MTOR: variants seen among roughly 807,000 people sequenced by gnomAD.
MTOR encodes mechanistic target of rapamycin kinase.
MTOR carries 70 observed loss-of-function variants against 319.8 expected under a neutral mutation model. The observed-to-expected ratio is 0.22, with a 90% CI of 0.18 to 0.27. The LOEUF (loss-of-function observed/expected upper bound fraction) is 0.27, where lower values mean the gene tolerates loss of function less well. Among genes scored for constraint, MTOR ranks in the 10% least tolerant of loss-of-function variants. MTOR has a pLI of 1.00. For missense variants in MTOR, 1,890 were observed against 3,274.4 expected (o/e 0.58, Z 10.32); for synonymous variants, 1,183 against 1,211.4 (o/e 0.98, Z 0.49).
Position 11,216,243 on chromosome 1 carries a change from G to A in MTOR, c.3031-9C>T. On this transcript the variant is annotated splice_polypyrimidine_tract_variant and intron_variant, in intron 19 of 57. Coordinates refer to ENST00000361445, the MANE Select transcript of MTOR (RefSeq NM_004958.4). ...AGCTGCTGGAACAAAAACTGAAATG[G>A]ACAAGAGGTCAACCAGCTGGTATCA... The A allele has an allele frequency of 6.2e-7, 1 of 1,611,654 alleles. No homozygotes were observed. Among genetic ancestry groups the A allele is most frequent in the Non-Finnish European group, 8.5e-7 (1 of 1,177,810 alleles).
chr1:11,172,305 C>T (rs1309135945), intron 28 of MTOR, among the ~76,000 whole-genome samples: 2 of 151,948 alleles, frequency 1.3e-5, no homozygotes, highest in Non-Finnish European at 2.9e-5. Flanking sequence ...CGCCTGTAAT[C>T]CCAGCACTTT....
chr1:11,240,284 A>G lies in MTOR; in HGVS notation c.1786+19T>C, dbSNP rs369878626. 2 of 1,536,006 alleles carry G rather than the reference A, an allele frequency of 1.3e-6. No individual in the cohort carries two copies. Among genetic ancestry groups the G allele is most frequent in the Non-Finnish European group, 1.8e-6 (2 of 1,142,716 alleles). ...CAGCATCTCTCACTATCTTGGCAAG[A>G]GCCGTTGTAATTTCTTACCTTCAAA... On this transcript the variant is annotated intron_variant, in intron 11 of 57. Coordinates refer to ENST00000361445, the MANE Select transcript of MTOR (RefSeq NM_004958.4).
At chr1:11,240,173 A>T (rs1033507922) in intron 11 of MTOR, 130 bp downstream of exon 11, 1 of 1,257,440 alleles carries the variant, frequency 8.0e-7, no homozygotes, top group African/African-American at 1.5e-5. Flanking sequence ...AGGAAGGATG[A>T]GCTGCTACAG....
intron 6 of MTOR, among the ~76,000 whole-genome samples, chr1:11,250,248 C>T (rs867675009): frequency 4.8e-4 from 65 of 136,580 alleles, no homozygotes; most frequent in East Asian, 1.1e-3. Context: ...CCCTCCCGGA[C>T]GGGGCGGCTG....
At position 11,210,852 on chromosome 1, in the gene MTOR, G is replaced by A. The variant is rs574051235; in HGVS notation, c.3616C>T (p.His1206Tyr). Residue 1206 changes from histidine (H) to tyrosine (Y), a missense_variant, in exon 24 of 58, where the codon CAT becomes TAT. His to Tyr is a moderately conservative substitution (Grantham distance 83, BLOSUM62 2). Around this residue, in one of 15 missense-constraint regions of MTOR, gnomAD observed 115 missense variants for 105.7 expected, o/e 1.09. Coordinates refer to ENST00000361445, the MANE Select transcript of MTOR (RefSeq NM_004958.4). ...NKVLVRHRIN[H>Y]QRYDVLICRI... ...CAGATGAGCACATCATAGCGCTGAT[G>A]ATTGATTCGGTGTCGCACCAGAACT... The A allele has an allele frequency of 2.5e-6, 4 of 1,613,916 alleles. No individual in the cohort carries two copies. The highest frequency in any genetic ancestry group is 2.7e-5 in the African/African-American group (2 of 75,046).
rs1042793448 is a variant in MTOR at position 11,133,965 on chromosome 1, T to C, written c.5246+386A>G. On this transcript the variant is annotated intron_variant, in intron 37 of 57. Coordinates refer to ENST00000361445, the MANE Select transcript of MTOR (RefSeq NM_004958.4). The surrounding 1 kb of genome is among the most constrained non-coding windows in gnomAD (Gnocchi z 4.0). ...AAAAACTAGCCAGTGTGGTGGCACG[T>C]GCCTATAGCTACTTGGGAAACTGAG... Among the ~76,000 whole-genome samples, 3 of 151,876 alleles carry C rather than the reference T, an allele frequency of 2.0e-5. No homozygotes were observed. The East Asian group carries it at 5.8e-4, about 29-fold the overall frequency.
intron 28 of MTOR, chr1:11,192,360 C>G: frequency 6.2e-7 from 1 of 1,612,808 alleles, no homozygotes. Context: ...CTGGGCAGCC[C>G]TGAACTGGAG....
intron 28 of MTOR, among the ~76,000 whole-genome samples, chr1:11,191,401 T>C (rs1210947478): frequency 6.6e-6 from 1 of 152,114 alleles, no homozygotes; most frequent in South Asian, 2.1e-4. Context: ...CAAGAGAACC[T>C]ATGTGCCTCA....
At chr1:11,113,818 G>C (rs969668543) in intron 53 of MTOR, among the ~76,000 whole-genome samples, 66 of 152,190 alleles carry the variant, frequency 4.3e-4, no homozygotes, top group African/African-American at 1.4e-3. Flanking sequence ...ATCTCATCTT[G>C]AACTGCAATT....
Position 11,210,869 on chromosome 1 carries a change from A to G in MTOR, c.3599T>C (p.Val1200Ala), listed in dbSNP as rs1356106346. 2.7e-5 allele frequency: 44 copies of G among 1,613,966 alleles called. No individual in the cohort carries two copies. Among genetic ancestry groups the G allele is most frequent in the Non-Finnish European group, 3.7e-5 (44 of 1,179,940 alleles). ...IFIPMVNKVL[V>A]RHRINHQRYD... The stretch of plus-strand genomic sequence containing the variant: ...GCGCTGATGATTGATTCGGTGTCGC[A>G]CCAGAACTTTATTCACCATTGGAAT... Residue 1200 changes from valine (V) to alanine (A), a missense_variant, in exon 24 of 58, where the codon GTG becomes GCG. Around this residue, in one of 15 missense-constraint regions of MTOR, gnomAD observed 115 missense variants for 105.7 expected, o/e 1.09. Coordinates refer to ENST00000361445, the MANE Select transcript of MTOR (RefSeq NM_004958.4).
chr1:11,161,979 C>A (rs1321776127), intron 29 of MTOR, among the ~76,000 whole-genome samples: 2 of 152,142 alleles, frequency 1.3e-5, no homozygotes, highest in African/African-American at 4.8e-5. Context: ...GATGATCAAA[C>A]TTTTCCAAGC....
intron 18 of MTOR, 46 bp from the exon 19 acceptor site, chr1:11,228,964 G>A (rs757351686): frequency 2.2e-5 from 35 of 1,602,724 alleles, no homozygotes; most frequent in African/African-American, 4.0e-5. Context: ...ATGGCATGAC[G>A]TGACTTCAGG....
At chr1:11,244,634 AAAAC>A (rs1252469158) in intron 8 of MTOR, among the ~76,000 whole-genome samples, 4 of 152,248 alleles carry the variant, frequency 2.6e-5, no homozygotes, top group South Asian at 2.1e-4. Flanking sequence ...CTGTCTCAGA[AAAAC>A]AAACAAACAA....
intron 9 of MTOR, among the ~76,000 whole-genome samples, chr1:11,242,230 G>A (rs1346506492): frequency 6.6e-6 from 1 of 152,048 alleles, no homozygotes; most frequent in African/African-American, 2.4e-5. Flanking sequence ...TGGGCGTGCT[G>A]GCACACGCCT....
At chr1:11,223,516 G>T (rs1646735319) in intron 19 of MTOR, among the ~76,000 whole-genome samples, 1 of 152,116 alleles carries the variant, frequency 6.6e-6, no homozygotes, top group African/African-American at 2.4e-5. Flanking sequence ...TTGACAAAAT[G>T]CTAGTAATTA....
chr1:11,129,640 G>T lies in MTOR; in HGVS notation c.5714+98C>A. ...CACATACATCGATCTTGGGTGTCCT[G>T]ATCAGGGTCAGGAAGGGAAAGAGGA... On this transcript the variant is annotated intron_variant, in intron 40 of 57. Transcript: ENST00000361445. This position sits in a 1 kb window ranked among gnomAD's most constrained non-coding sequence, Gnocchi z 4.7. The T allele has an allele frequency of 9.3e-7, 1 of 1,075,582 alleles. No individual in the cohort carries two copies. The highest frequency in any genetic ancestry group is 1.4e-6 in the Non-Finnish European group (1 of 718,298). 66.6% of individuals were successfully genotyped at this position (1,075,582 alleles called of 1,614,324 possible).
intron 36 of MTOR, among the ~76,000 whole-genome samples, chr1:11,136,475 C>T (rs1557762836): frequency 6.6e-6 from 1 of 151,992 alleles, no homozygotes; most frequent in Non-Finnish European, 1.5e-5. Context: ...ATAAATGTTC[C>T]TTTAATTTTA....
Position 11,249,816 on chromosome 1 carries a change from C to T in MTOR, c.841-1722G>A, listed in dbSNP as rs1281313456. Among the ~76,000 whole-genome samples, 14 of 149,006 alleles carry T rather than the reference C, an allele frequency of 9.4e-5. No individual in the cohort carries two copies. In the East Asian group the frequency reaches 1.6e-3, roughly 17 times the overall value. Reference sequence around the variant, plus strand: ...AAAATGAAAAGTCTCCCATGTCTACCTCTTTCTACACAGACACGGCAACCA... The same window carrying T: ...AAAATGAAAAGTCTCCCATGTCTACTTCTTTCTACACAGACACGGCAACCA... On this transcript the variant is annotated intron_variant, in intron 6 of 57. Transcript: ENST00000361445.
At chr1:11,141,852 T>G (rs1290665010) in intron 34 of MTOR, among the ~76,000 whole-genome samples, 1 of 149,622 alleles carries the variant, frequency 6.7e-6, no homozygotes, top group African/African-American at 2.4e-5. Context: ...AAAAAAAAAA[T>G]TAGCCAGGCG....
Sources: gnomAD v4.1 joint callset for allele counts (sites outside exome capture counted in the v4.1 genomes callset) on GRCh38, gnomAD v4.1.1 for gene constraint, gnomAD v4.1.1 regional missense constraint, Gnocchi (gnomAD v3.1) non-coding constraint, MANE v1.5 for transcripts, NCBI Gene and HGNC (gene_info 2026-07-23, HGNC 2026-07-21) for gene names.